The following PLEKHA5 variants were observed in gnomAD, a reference collection of about 807,000 sequenced individuals.
The protein encoded by PLEKHA5 is pleckstrin homology domain containing A5, also known as pleckstrin homology domain-containing family A member 5.
PLEKHA5 carries 55 observed loss-of-function variants against 181.9 expected under a neutral mutation model. The observed-to-expected ratio is 0.30, with a 90% CI of 0.24 to 0.38. The LOEUF is 0.38. PLEKHA5 is among the 10% of genes least tolerant of loss of function. The pLI is 1.00. For missense variants in PLEKHA5, 1,432 were observed against 1,549.5 expected (o/e 0.92, Z 1.27); for synonymous variants, 535 against 529.4 (o/e 1.01, Z -0.15).
At chr12:19,287,308 A>G (rs773606839) in intron 12 of PLEKHA5, among the ~76,000 whole-genome samples, 165 bp from the exon 13 acceptor site, 2 of 152,152 alleles carry the variant, frequency 1.3e-5, no homozygotes, top group African/African-American at 4.8e-5. Flanking sequence ...CCAGCCCCAC[A>G]TCAGTATTTT....
At chr12:19,209,698 C>A (rs2056516751) in intron 3 of PLEKHA5, among the ~76,000 whole-genome samples, 1 of 152,140 alleles carries the variant, frequency 6.6e-6, no homozygotes, top group South Asian at 2.1e-4. Flanking sequence ...CAGTGGCTAC[C>A]AAGAGGTGGA....
rs186058016 is a variant in PLEKHA5, at chr12:19,269,360, C to G, written c.712-410C>G. On this transcript the variant is annotated intron_variant, in intron 8 of 31. Coordinates refer to ENST00000429027, the MANE Select transcript of PLEKHA5 (RefSeq NM_001256470.2). ...CAAGATTGCTCCACTGCACTCCAAC[C>G]TGGGCAACAGAGTGAGACTCTGTCT... 3.5e-3 allele frequency among the ~76,000 whole-genome samples: 489 copies of G among 140,672 alleles called. 2 individuals carry two copies. Among genetic ancestry groups the G allele is most frequent in the Middle Eastern group, 8.8e-3 (2 of 226 alleles). The allele number at this position is 140,672 out of a possible 152,430, so 92.3% of individuals were successfully genotyped here.
At chr12:19,167,411 T>A (rs1056838960) in intron 3 of PLEKHA5, among the ~76,000 whole-genome samples, 2 of 22,030 alleles carry the variant, frequency 9.1e-5, no homozygotes, top group African/African-American at 1.8e-4. Flanking sequence ...CTTAATTTTT[T>A]TTTTTTTTTT....
chr12:19,177,444 A>C (rs1198007478), intron 3 of PLEKHA5, among the ~76,000 whole-genome samples: 2 of 152,164 alleles, frequency 1.3e-5, no homozygotes, highest in Non-Finnish European at 2.9e-5. Context: ...ATTTCATTTG[A>C]TAGATAGGGA....
At chr12:19,256,620 G>A (rs1423607077) in intron 5 of PLEKHA5, among the ~76,000 whole-genome samples, 2 of 152,102 alleles carry the variant, frequency 1.3e-5, no homozygotes, top group African/African-American at 4.8e-5. Flanking sequence ...TTGATATTGG[G>A]CCTTAAAATT....
intron 20 of PLEKHA5, among the ~76,000 whole-genome samples, chr12:19,336,288 G>A (rs1190644080): frequency 6.6e-6 from 1 of 152,150 alleles, no homozygotes; most frequent in Non-Finnish European, 1.5e-5. Context: ...CTTTATTTAT[G>A]CCTCTTCTAC....
Position 19,356,314 on chromosome 12 carries a change from A to T in PLEKHA5, c.3139-1914A>T, listed in dbSNP as rs557844972. Among the ~76,000 whole-genome samples, 6 of 152,244 alleles carry T rather than the reference A, an allele frequency of 3.9e-5. No homozygotes were observed. The East Asian group carries it at 1.2e-3, about 29-fold the overall frequency. On this transcript the variant is annotated intron_variant, in intron 26 of 31. Coordinates refer to ENST00000429027, the MANE Select transcript of PLEKHA5 (RefSeq NM_001256470.2). ...AGGATTGCTTGAGCTCAGGAATTCA[A>T]GACTAGCCTGAGCAACATAAGGAGA...
intron 3 of PLEKHA5, among the ~76,000 whole-genome samples, chr12:19,158,360 A>G (rs1236200487): frequency 6.6e-6 from 1 of 152,128 alleles, no homozygotes; most frequent in East Asian, 1.9e-4. Context: ...CTCAAAAAAA[A>G]AAATTTAAGT....
chr12:19,228,906 A>AT (rs761163952), intron 3 of PLEKHA5, among the ~76,000 whole-genome samples: 3 of 152,166 alleles, frequency 2.0e-5, no homozygotes, highest in Admixed American at 6.5e-5. Context: ...CATTTATGTG[A>AT]TTTTTTTAAC....
chr12:19,198,921 C>T (rs2053579007), intron 3 of PLEKHA5, among the ~76,000 whole-genome samples: 1 of 152,014 alleles, frequency 6.6e-6, no homozygotes, highest in African/African-American at 2.4e-5. Flanking sequence ...AAAATTATTT[C>T]ATGTATGGTT....
chr12:19,360,503 C>A (rs2095183972), intron 28 of PLEKHA5, among the ~76,000 whole-genome samples: 1 of 151,510 alleles, frequency 6.6e-6, no homozygotes, highest in Non-Finnish European at 1.5e-5. Context: ...ACTTGGGAGG[C>A]TGAAGCAGGA....
intron 15 of PLEKHA5, among the ~76,000 whole-genome samples, chr12:19,304,413 C>A (rs1047327747): frequency 3.3e-5 from 5 of 152,172 alleles, no homozygotes; most frequent in African/African-American, 1.2e-4. Flanking sequence ...AATGCTATAT[C>A]TTAGACAACA....
At chr12:19,138,530 G>A (rs981255277) in intron 3 of PLEKHA5, among the ~76,000 whole-genome samples, 16 of 149,922 alleles carry the variant, frequency 1.1e-4, no homozygotes, top group Non-Finnish European at 2.2e-4. Flanking sequence ...CCGAGATCAC[G>A]CCACTGCACT....
intron 15 of PLEKHA5, among the ~76,000 whole-genome samples, chr12:19,301,810 T>G (rs2081544454): frequency 6.6e-6 from 1 of 152,208 alleles, no homozygotes; most frequent in Non-Finnish European, 1.5e-5. Context: ...AGAGACTTAT[T>G]TACATTCTTC....
At chr12:19,225,198 C>T (rs2059523436) in intron 3 of PLEKHA5, among the ~76,000 whole-genome samples, 1 of 152,092 alleles carries the variant, frequency 6.6e-6, no homozygotes, top group African/African-American at 2.4e-5. Flanking sequence ...AGGTGAGAGT[C>T]TCAATATTTC....
At position 19,344,300 on chromosome 12, in the gene PLEKHA5, AATT is replaced by A. The variant is rs372025967; in HGVS notation, c.2662+870_2662+872del. Among the ~76,000 whole-genome samples, 848 of 152,302 alleles carry A rather than the reference AATT, an allele frequency of 5.6e-3. 5 individuals carry two copies. Among genetic ancestry groups the A allele is most frequent in the Middle Eastern group, 0.041 (12 of 294 alleles). ...CTGTCAACCATACCTAAACAAAAAT[AATT>A]ATTGTCTTGTGTGTATAATTATAAA... is the stretch of plus-strand genomic sequence containing the variant. On this transcript the variant is annotated intron_variant, in intron 22 of 31. Transcript: ENST00000429027.
intron 15 of PLEKHA5, chr12:19,306,893 T>C: frequency 1.2e-6 from 1 of 808,080 alleles, no homozygotes; most frequent in Non-Finnish European, 2.1e-6. Flanking sequence ...GGCTAAGGCT[T>C]GTCTCTGTTG....
rs145746239 is a variant in PLEKHA5, at chr12:19,360,403, C to T, written c.3483+857C>T. 6.4e-3 allele frequency among the ~76,000 whole-genome samples: 971 copies of T among 151,822 alleles called. 8 individuals carry two copies. The highest frequency in any genetic ancestry group is 0.022 in the African/African-American group (918 of 41,378). On this transcript the variant is annotated intron_variant, in intron 28 of 31. Transcript: ENST00000429027. ...AGTGGATCACTTGAGGCCCGGAGTT[C>T]GAGATCAGCCTCGCAAACATAGTGA...
chr12:19,259,800 T>G (rs1418376747), intron 6 of PLEKHA5, among the ~76,000 whole-genome samples: 1 of 151,796 alleles, frequency 6.6e-6, no homozygotes, highest in African/African-American at 2.4e-5. Flanking sequence ...TTTTTTTTTT[T>G]TTTTGGTTTC....
Sources: allele counts gnomAD v4.1 joint callset (sites outside exome capture counted in the v4.1 genomes callset), GRCh38; gene constraint gnomAD v4.1.1; transcripts MANE v1.5; gene names NCBI Gene and HGNC (gene_info 2026-07-23, HGNC 2026-07-21).